The following ZRANB3 variants were observed in gnomAD, a reference collection of about 807,000 sequenced individuals.
ZRANB3 encodes the protein zinc finger RANBP2-type containing 3.
Under a neutral mutation model 133.8 loss-of-function variants are expected in ZRANB3, and 125 were observed. The observed-to-expected ratio is 0.93, with a 90% confidence interval of 0.81 to 1.08. The LOEUF (loss-of-function observed/expected upper bound fraction) is 1.08. Among genes scored for constraint, ZRANB3 ranks in the 50% least tolerant of loss-of-function variants. ZRANB3 has a pLI of 0.00. For synonymous variants in ZRANB3, 387 were observed against 432.7 expected, an observed-to-expected ratio of 0.89 and a Z score of 1.31; for missense variants, 1,229 against 1,275.5, an observed-to-expected ratio of 0.96 and a Z score of 0.56.
intron 8 of ZRANB3, among the ~76,000 whole-genome samples, chr2:135,297,693 C>G (rs988925123): frequency 1.3e-5 from 2 of 152,206 alleles, no homozygotes; most frequent in African/African-American, 4.8e-5. Flanking sequence ...TAGACTGGAG[C>G]TGTTCCTATT....
intron 8 of ZRANB3, among the ~76,000 whole-genome samples, chr2:135,295,662 C>T (rs1270902620): frequency 1.3e-5 from 2 of 152,218 alleles, no homozygotes; most frequent in East Asian, 1.9e-4. Context: ...GATGCAGTTT[C>T]TTCCTAGCCT....
rs573292199 is a variant in ZRANB3 at position 135,220,428 on chromosome 2, A to G, written c.2251-1250T>C. ...GATTAAAAATTTTGAGGCCAGGCAC[A>G]GTGGCTCATGCCTGTACTCCCAGCA... On this transcript the variant is annotated intron_variant, in intron 15 of 20. Transcript: ENST00000264159. Among the ~76,000 whole-genome samples the G allele has an allele frequency of 2.0e-5, 3 of 152,038 alleles. No individual in the cohort carries two copies. In the East Asian group the frequency reaches 5.8e-4, roughly 30 times the overall value.
At chr2:135,398,210 T>G (rs546094366) in intron 2 of ZRANB3, among the ~76,000 whole-genome samples, 1 of 149,908 alleles carries the variant, frequency 6.7e-6, no homozygotes, top group Admixed American at 6.7e-5. Context: ...GGACTATAGG[T>G]GCCCGCCACC....
At chr2:135,270,847 A>C (rs958914902) in intron 10 of ZRANB3, among the ~76,000 whole-genome samples, 1 of 152,216 alleles carries the variant, frequency 6.6e-6, no homozygotes, top group Non-Finnish European at 1.5e-5. Flanking sequence ...TAAATATCCT[A>C]GCTTAGACAT....
chr2:135,386,450 C>T lies in ZRANB3; in HGVS notation c.180+4352G>A, dbSNP rs578091336. Reference sequence around the variant, plus strand: ...ACAGTGTGGTGATTCCTCAGGGATCCAGAACCAGAAATACCATTTGACCCA... The same window carrying T: ...ACAGTGTGGTGATTCCTCAGGGATCTAGAACCAGAAATACCATTTGACCCA... On this transcript the variant is annotated intron_variant, in intron 3 of 20. Coordinates refer to ENST00000264159, the MANE Select transcript of ZRANB3 (RefSeq NM_032143.4). 2.2e-4 allele frequency among the ~76,000 whole-genome samples: 33 copies of T among 152,202 alleles called. No individual in the cohort carries two copies. The South Asian group carries it at 5.8e-3, about 27-fold the overall frequency.
chr2:135,394,437 C>T (rs1480858340), intron 2 of ZRANB3, among the ~76,000 whole-genome samples: 1 of 151,932 alleles, frequency 6.6e-6, no homozygotes, highest in South Asian at 2.1e-4. Flanking sequence ...GGGACATAAT[C>T]CAAAAATCTG....
chr2:135,479,819 T>C (rs76029998), intron 2 of ZRANB3, among the ~76,000 whole-genome samples: 16 of 152,228 alleles, frequency 1.1e-4, no homozygotes, highest in East Asian at 9.7e-4. Context: ...TTAATACTAT[T>C]CAGAATGCCA....
In ZRANB3 at chr2:135,380,083, A is replaced by T. The variant is rs556436539; in HGVS notation, c.180+10719T>A. 4.6e-5 allele frequency among the ~76,000 whole-genome samples: 7 copies of T among 152,356 alleles called. No homozygotes were observed. In the South Asian group the frequency reaches 1.5e-3, roughly 32 times the overall value. ...TCAAAGAAGGCCATTACATAATGGT[A>T]AAGGGATCAATTCAACAAGAAGACT... is the stretch of plus-strand genomic sequence containing the variant. On this transcript the variant is annotated intron_variant, in intron 3 of 20. Transcript: ENST00000264159.
Position 135,344,561 on chromosome 2 carries a change from C to A in ZRANB3, c.677+989G>T, listed in dbSNP as rs1272130231. Among the ~76,000 whole-genome samples, 7 of 152,182 alleles carry A rather than the reference C, an allele frequency of 4.6e-5. No homozygotes were observed. The South Asian group carries it at 1.4e-3, about 32-fold the overall frequency. On this transcript the variant is annotated intron_variant, in intron 6 of 20. Transcript: ENST00000264159. ...GACCAGCCTGGCCAACATGGTGAAA[C>A]CCCATCTCTAGTAAAAATAACAAAA... is the stretch of plus-strand genomic sequence containing the variant.
intron 17 of ZRANB3, among the ~76,000 whole-genome samples, chr2:135,216,679 A>G (rs1694326281): frequency 6.6e-6 from 1 of 151,644 alleles, no homozygotes; most frequent in Non-Finnish European, 1.5e-5. Flanking sequence ...GGCTCATGCA[A>G]TCTACCCGCC....
chr2:135,385,786 G>A (rs538314933), intron 3 of ZRANB3, among the ~76,000 whole-genome samples: 29 of 152,304 alleles, frequency 1.9e-4, no homozygotes, highest in Admixed American at 1.2e-3. Flanking sequence ...GGCTAGCCAT[G>A]TGTAGAAAGC....
At chr2:135,311,649 C>G (rs1002418620) in intron 8 of ZRANB3, among the ~76,000 whole-genome samples, 1 of 151,912 alleles carries the variant, frequency 6.6e-6, no homozygotes, top group Admixed American at 6.6e-5. Flanking sequence ...CTTTGGGAGG[C>G]TGAGGCAGAA....
At chr2:135,436,763 T>C (rs1558998542) in intron 2 of ZRANB3, among the ~76,000 whole-genome samples, 1 of 152,112 alleles carries the variant, frequency 6.6e-6, no homozygotes, top group Non-Finnish European at 1.5e-5. Context: ...AAAAAAACTA[T>C]TTTAAAATTG....
At chr2:135,470,329 A>AC (rs1299214367) in intron 2 of ZRANB3, among the ~76,000 whole-genome samples, 1 of 151,938 alleles carries the variant, frequency 6.6e-6, no homozygotes, top group Non-Finnish European at 1.5e-5. Flanking sequence ...GTCTCAAAAA[A>AC]AAAAAAATTC....
intron 3 of ZRANB3, among the ~76,000 whole-genome samples, chr2:135,364,522 C>T (rs56011061): frequency 0.044 from 6,718 of 152,014 alleles, 500 homozygotes; most frequent in African/African-American, 0.15. Flanking sequence ...CTGAGGTGGG[C>T]GGATAACTTG....
intron 8 of ZRANB3, among the ~76,000 whole-genome samples, chr2:135,297,154 G>T (rs889297846): frequency 2.6e-5 from 4 of 152,232 alleles, no homozygotes; most frequent in Admixed American, 6.5e-5. Context: ...CCTTTTGTTT[G>T]TCTTAGCCCT....
chr2:135,375,129 C>T (rs1284487282), intron 3 of ZRANB3, among the ~76,000 whole-genome samples: 1 of 152,206 alleles, frequency 6.6e-6, no homozygotes, highest in Non-Finnish European at 1.5e-5. Context: ...ATACAAAAGA[C>T]ACTTCGACAG....
At chr2:135,432,998 G>A (rs899782906) in intron 2 of ZRANB3, among the ~76,000 whole-genome samples, 1 of 152,186 alleles carries the variant, frequency 6.6e-6, no homozygotes, top group African/African-American at 2.4e-5. Context: ...CTGCTCCATG[G>A]AGAAGTCATC....
chr2:135,350,335 G>C (rs1685149078), intron 4 of ZRANB3, 120 bp from the exon 5 acceptor site: 1 of 642,688 alleles, frequency 1.6e-6, no homozygotes, highest in South Asian at 2.3e-5. Flanking sequence ...AAAATAAAAG[G>C]AGATGGTACT....
Sources: gnomAD v4.1 joint callset for allele counts (sites outside exome capture counted in the v4.1 genomes callset) on GRCh38, gnomAD v4.1.1 for gene constraint, MANE v1.5 for transcripts, NCBI Gene and HGNC (gene_info 2026-07-23, HGNC 2026-07-21) for gene names.